MLLT3: variants seen among roughly 807,000 people sequenced by gnomAD.
MLLT3 encodes MLLT3 super elongation complex subunit.
MLLT3 carries 4 observed loss-of-function variants against 53.2 expected under a neutral mutation model. The observed-to-expected ratio is 0.08, with a 90% confidence interval of 0.04 to 0.17. The LOEUF (loss-of-function observed/expected upper bound fraction) is 0.17, where lower values mean the gene tolerates loss of function less well. MLLT3 is among the 10% of genes least tolerant of loss of function. The pLI is 1.00. For synonymous variants in MLLT3, 283 were observed against 230.6 expected (o/e 1.23, Z -2.06); for missense variants, 569 against 684.0 (o/e 0.83, Z 1.87).
chr9:20,371,229 G>T (rs1372094812), intron 5 of MLLT3, among the ~76,000 whole-genome samples: 1 of 152,220 alleles, frequency 6.6e-6, no homozygotes, highest in African/African-American at 2.4e-5. Context: ...GCAAGTTGAA[G>T]CAGCAAGAGC....
At chr9:20,506,711 T>C (rs1825388918) in intron 2 of MLLT3, among the ~76,000 whole-genome samples, 1 of 152,192 alleles carries the variant, frequency 6.6e-6, no homozygotes, top group South Asian at 2.1e-4. Flanking sequence ...CTAAAATGAT[T>C]CTGAGCTGTC....
rs60434351 is a variant in MLLT3, at chr9:20,373,942, TA to T, written c.1126-8199del. On this transcript the variant is annotated intron_variant, in intron 5 of 10. Coordinates refer to ENST00000380338, the MANE Select transcript of MLLT3 (RefSeq NM_004529.4). ...CTCACAGTTTTGGTCCTTCTTTCAT[TA>T]AAAAAAAAAATCACCTTACACATTA... is the stretch of plus-strand genomic sequence containing the variant. Among the ~76,000 whole-genome samples the T allele has an allele frequency of 2.9e-4, 43 of 146,708 alleles. 1 individual carries two copies. Among genetic ancestry groups the T allele is most frequent in the East Asian group, 3.9e-4 (2 of 5,076 alleles).
At chr9:20,433,944 C>A (rs1315793273) in intron 4 of MLLT3, among the ~76,000 whole-genome samples, 1 of 140,804 alleles carries the variant, frequency 7.1e-6, no homozygotes, top group Non-Finnish European at 1.5e-5. Context: ...GAAACCCTGT[C>A]TCTACTAAAA....
At position 20,453,074 on chromosome 9, in the gene MLLT3, G is replaced by A. The variant is rs1451659320; in HGVS notation, c.276+3630C>T. On this transcript the variant is annotated intron_variant, in intron 3 of 10. Transcript: ENST00000380338. ...AAGAAACAAATATACCTAGCTCAGA[G>A]ACCTAGATCAGACTATAGCAAATAT... Among the ~76,000 whole-genome samples the A allele has an allele frequency of 3.9e-5, 6 of 152,118 alleles. No homozygotes were observed. The East Asian group carries it at 1.2e-3, about 29-fold the overall frequency.
chr9:20,577,381 C>T (rs945740332), intron 2 of MLLT3, among the ~76,000 whole-genome samples: 1 of 152,100 alleles, frequency 6.6e-6, no homozygotes, highest in Admixed American at 6.6e-5. Flanking sequence ...AGGAGTATAA[C>T]CATTTGTTTT....
At chr9:20,479,594 T>C (rs974176107) in intron 2 of MLLT3, among the ~76,000 whole-genome samples, 2 of 152,198 alleles carry the variant, frequency 1.3e-5, no homozygotes, top group Non-Finnish European at 2.9e-5. Flanking sequence ...AGTTCCAGCC[T>C]GCCACTAATT....
intron 2 of MLLT3, among the ~76,000 whole-genome samples, chr9:20,571,335 G>A (rs74669773): frequency 6.6e-6 from 1 of 152,100 alleles, no homozygotes; most frequent in Non-Finnish European, 1.5e-5. Flanking sequence ...GTGAAGTGAT[G>A]ACCTATTAAT....
intron 10 of MLLT3, 149 bp from the exon 11 acceptor site, chr9:20,346,723 A>T: frequency 1.4e-6 from 1 of 729,752 alleles, no homozygotes; most frequent in East Asian, 2.8e-5. Context: ...ATAGCATTAA[A>T]CTGTCTCAGT....
intron 2 of MLLT3, among the ~76,000 whole-genome samples, chr9:20,467,414 C>T (rs1245792979): frequency 6.6e-6 from 1 of 152,068 alleles, no homozygotes; most frequent in Non-Finnish European, 1.5e-5. Flanking sequence ...CCCGTCTCTA[C>T]TAAAAATACA....
In MLLT3 at chr9:20,345,570, C is replaced by T. The variant is rs1397779721; in HGVS notation, c.*873G>A. On this transcript the variant is annotated 3_prime_UTR_variant, in exon 11 of 11. Coordinates refer to ENST00000380338, the MANE Select transcript of MLLT3 (RefSeq NM_004529.4). Reference sequence around the variant, plus strand: ...CCTAATATTGTAACAGTAAAACAGACACAAGAATGTTGATGACAGCTCAAC... The same window carrying T: ...CCTAATATTGTAACAGTAAAACAGATACAAGAATGTTGATGACAGCTCAAC... 1 of 203,042 alleles carries T rather than the reference C, an allele frequency of 4.9e-6. No individual in the cohort carries two copies. The highest frequency in any genetic ancestry group is 1.0e-5 in the Non-Finnish European group (1 of 99,252). The allele number at this position is 203,042 out of a possible 1,614,324, so 12.6% of individuals were successfully genotyped here.
chr9:20,596,646 T>G (rs1312846154), intron 2 of MLLT3, among the ~76,000 whole-genome samples: 1 of 152,146 alleles, frequency 6.6e-6, no homozygotes, highest in East Asian at 1.9e-4. Flanking sequence ...AGCTGAGATG[T>G]GCCACTGCAC....
chr9:20,521,890 C>T (rs1268166697), intron 2 of MLLT3, among the ~76,000 whole-genome samples: 4 of 151,826 alleles, frequency 2.6e-5, no homozygotes, highest in African/African-American at 9.7e-5. Context: ...TCAAGGTTAA[C>T]AGCAGTCTAA....
chr9:20,473,455 G>A (rs939013231), intron 2 of MLLT3, among the ~76,000 whole-genome samples: 4 of 152,048 alleles, frequency 2.6e-5, no homozygotes, highest in Admixed American at 6.6e-5. Flanking sequence ...ATGTTCAAGA[G>A]TAAAATTATG....
At chr9:20,559,968 C>T (rs1316135155) in intron 2 of MLLT3, among the ~76,000 whole-genome samples, 1 of 152,142 alleles carries the variant, frequency 6.6e-6, no homozygotes, top group African/African-American at 2.4e-5. Flanking sequence ...CAGATACATT[C>T]TCTGTGCCAC....
intron 2 of MLLT3, among the ~76,000 whole-genome samples, chr9:20,536,359 G>A (rs1006611676): frequency 1.3e-5 from 2 of 151,954 alleles, no homozygotes; most frequent in Non-Finnish European, 2.9e-5. Context: ...AGGGCACACA[G>A]TAATAAAAGA....
intron 2 of MLLT3, among the ~76,000 whole-genome samples, chr9:20,527,279 T>C (rs960112027): frequency 6.6e-6 from 1 of 152,106 alleles, no homozygotes; most frequent in Non-Finnish European, 1.5e-5. Context: ...TGCAAAAGCA[T>C]AAAGAGCCAT....
intron 2 of MLLT3, among the ~76,000 whole-genome samples, chr9:20,495,815 G>C (rs976228483): frequency 2.6e-5 from 4 of 152,140 alleles, no homozygotes; most frequent in African/African-American, 9.7e-5. Context: ...ATTTGAGGAA[G>C]CATTTACTTC....
Position 20,622,484 on chromosome 9 carries a change from G to C in MLLT3, c.-228C>G, listed in dbSNP as rs538529447. 5.9e-6 allele frequency: 3 copies of C among 511,790 alleles called. No individual in the cohort carries two copies. Among genetic ancestry groups the C allele is most frequent in the Admixed American group, 3.7e-5 (1 of 27,106 alleles). The allele number at this position is 511,790 out of a possible 1,614,324, so 31.7% of individuals were successfully genotyped here. A position where few individuals can be genotyped will look rare whatever the true frequency, so the allele number is the denominator to read the frequency against. ...GCAGCAGCAGCAGCAGCAGCTCCAG[G>C]GTAAAGAAGATGATTGCGGAGCATG... On this transcript the variant is annotated 5_prime_UTR_variant, in exon 1 of 11. Transcript: ENST00000380338.
chr9:20,375,217 T>C (rs551986319), intron 5 of MLLT3, among the ~76,000 whole-genome samples: 1 of 152,332 alleles, frequency 6.6e-6, no homozygotes, highest in South Asian at 2.1e-4. Context: ...ATGATAAAAC[T>C]GAAGCACACA....
Sources: gnomAD v4.1 joint callset for allele counts (sites outside exome capture counted in the v4.1 genomes callset) on GRCh38, gnomAD v4.1.1 for gene constraint, MANE v1.5 for transcripts, NCBI Gene and HGNC (gene_info 2026-07-23, HGNC 2026-07-21) for gene names.